KIAA1217: variants seen among roughly 807,000 people sequenced by gnomAD.
KIAA1217 encodes the protein sickle tail protein homolog.
In KIAA1217, 88 loss-of-function variants were observed where a neutral mutation model predicts 163.9. The observed-to-expected ratio is 0.54, with a 90% CI of 0.45 to 0.64. KIAA1217 has a LOEUF of 0.64. Among genes scored for constraint, KIAA1217 ranks in the 30% least tolerant of loss-of-function variants. KIAA1217 has a pLI of 0.00. For synonymous variants in KIAA1217, 903 were observed against 923.1 expected (o/e 0.98, Z 0.39); for missense variants, 2,372 against 2,475.0 (o/e 0.96, Z 0.88).
chr10:24,279,115 C>T (rs558349174), intron 2 of KIAA1217, among the ~76,000 whole-genome samples: 5 of 152,256 alleles, frequency 3.3e-5, no homozygotes, highest in African/African-American at 1.2e-4. Context: ...ACTGGGATTG[C>T]AGGCATAAGC....
chr10:23,818,123 A>ATG (rs1837432029), intron 1 of KIAA1217, among the ~76,000 whole-genome samples: 1 of 142,394 alleles, frequency 7.0e-6, no homozygotes, highest in East Asian at 2.0e-4. Context: ...ATATATATAT[A>ATG]CTCACACACA....
chr10:24,387,710 A>G (rs973818022), intron 3 of KIAA1217, among the ~76,000 whole-genome samples: 2 of 152,214 alleles, frequency 1.3e-5, no homozygotes, highest in African/African-American at 4.8e-5. Context: ...GCAAAGTCTC[A>G]GGATACAAAA....
chr10:24,090,672 A>G (rs1035556782), intron 2 of KIAA1217, among the ~76,000 whole-genome samples: 7 of 151,808 alleles, frequency 4.6e-5, no homozygotes, highest in East Asian at 3.9e-4. Flanking sequence ...CCCAGCATAG[A>G]CCAACTTCTC....
intron 3 of KIAA1217, among the ~76,000 whole-genome samples, chr10:24,404,308 C>A (rs2056925297): frequency 6.6e-6 from 1 of 152,048 alleles, no homozygotes; most frequent in Non-Finnish European, 1.5e-5. Context: ...GTGGCTTATG[C>A]CTGTAATCTC....
intron 2 of KIAA1217, among the ~76,000 whole-genome samples, chr10:24,138,709 AT>A (rs2063933944): frequency 6.6e-6 from 1 of 151,896 alleles, no homozygotes; most frequent in South Asian, 2.1e-4. Context: ...TCTGGAATTA[AT>A]TTTTTGACAT....
intron 1 of KIAA1217, among the ~76,000 whole-genome samples, chr10:23,885,223 A>G (rs1037321831): frequency 2.6e-5 from 4 of 151,958 alleles, no homozygotes; most frequent in Non-Finnish European, 4.4e-5. Flanking sequence ...ATCACACTAA[A>G]TCTAGTTAAC....
intron 11 of KIAA1217, among the ~76,000 whole-genome samples, chr10:24,521,051 T>G (rs922456312): frequency 7.5e-5 from 11 of 147,296 alleles, no homozygotes; most frequent in African/African-American, 2.2e-4. Context: ...AGTTTTTTTT[T>G]TTTTTTTTTT....
intron 1 of KIAA1217, among the ~76,000 whole-genome samples, chr10:23,821,587 C>T (rs1282232247): frequency 6.6e-6 from 1 of 152,198 alleles, no homozygotes. Flanking sequence ...CTTTTAATAG[C>T]CAGTTTCTTG....
At chr10:23,953,241 A>G (rs1844417068) in intron 1 of KIAA1217, among the ~76,000 whole-genome samples, 1 of 152,238 alleles carries the variant, frequency 6.6e-6, no homozygotes, top group South Asian at 2.1e-4. Context: ...TGCTTCATGA[A>G]AAAATTAACC....
chr10:24,162,862 G>T (rs531427060), intron 2 of KIAA1217, among the ~76,000 whole-genome samples: 67 of 152,284 alleles, frequency 4.4e-4, no homozygotes, highest in African/African-American at 1.5e-3. Flanking sequence ...TTGGCTGAGT[G>T]TCTCACTTCC....
At chr10:23,927,783 A>G (rs1359869628) in intron 1 of KIAA1217, among the ~76,000 whole-genome samples, 1 of 152,186 alleles carries the variant, frequency 6.6e-6, no homozygotes, top group Non-Finnish European at 1.5e-5. Context: ...CAGATGTGCT[A>G]TTCAGGCCTC....
chr10:23,990,772 C>T (rs1306482624), intron 1 of KIAA1217, among the ~76,000 whole-genome samples: 3 of 152,128 alleles, frequency 2.0e-5, no homozygotes, highest in Non-Finnish European at 4.4e-5. Context: ...TGCACTATGA[C>T]ATCTCTACAA....
chr10:23,947,117 C>A (rs1262900504), intron 1 of KIAA1217, among the ~76,000 whole-genome samples: 1 of 152,174 alleles, frequency 6.6e-6, no homozygotes, highest in Non-Finnish European at 1.5e-5. Flanking sequence ...GAGGCCTCCC[C>A]AGCCATGCTG....
chr10:23,932,864 A>C (rs569760077), intron 1 of KIAA1217, among the ~76,000 whole-genome samples: 2 of 152,352 alleles, frequency 1.3e-5, no homozygotes, highest in South Asian at 4.1e-4. Context: ...TAATGAAGCA[A>C]AAATAAATAA....
At chr10:23,901,901 G>A (rs1183178320) in intron 1 of KIAA1217, among the ~76,000 whole-genome samples, 7 of 132,434 alleles carry the variant, frequency 5.3e-5, no homozygotes, top group Non-Finnish European at 9.4e-5. Flanking sequence ...GTGACAGAGT[G>A]AGACTCTATC....
intron 1 of KIAA1217, among the ~76,000 whole-genome samples, chr10:23,819,288 C>T (rs1263085026): frequency 6.6e-6 from 1 of 152,126 alleles, no homozygotes; most frequent in Non-Finnish European, 1.5e-5. Context: ...ACAATGTAAG[C>T]AGAACTGTTG....
chr10:24,521,956 G>A (rs1170877281), intron 12 of KIAA1217, 27 bp downstream of exon 12: 4 of 1,594,976 alleles, frequency 2.5e-6, no homozygotes, highest in Admixed American at 1.7e-5. Flanking sequence ...CGTGCTGGGG[G>A]TGGCCTGCGG....
At chr10:24,200,869 T>C (rs1169885535) in intron 2 of KIAA1217, among the ~76,000 whole-genome samples, 1 of 152,072 alleles carries the variant, frequency 6.6e-6, no homozygotes, top group Non-Finnish European at 1.5e-5. Flanking sequence ...TCAGGTCCTG[T>C]AGTCCATTTT....
chr10:24,218,836 C>T (rs900640905), intron 1 of KIAA1217, among the ~76,000 whole-genome samples: 1 of 151,928 alleles, frequency 6.6e-6, no homozygotes, highest in Non-Finnish European at 1.5e-5. Flanking sequence ...TGGTTTATGC[C>T]AATATGAGAA....
Sources: allele counts gnomAD v4.1 joint callset (sites outside exome capture counted in the v4.1 genomes callset), GRCh38; gene constraint gnomAD v4.1.1; transcripts MANE v1.5; gene names NCBI Gene and HGNC (gene_info 2026-07-23, HGNC 2026-07-21).